PDE4D: variants seen among roughly 807,000 people sequenced by gnomAD.
PDE4D encodes the protein 3',5'-cyclic-AMP phosphodiesterase 4D.
In PDE4D, 24 loss-of-function variants were observed where a neutral mutation model predicts 87.4. The ratio of observed to expected loss-of-function variants is 0.27; its 90% confidence interval spans 0.20 to 0.39. The LOEUF is 0.39. Among genes scored for constraint, PDE4D ranks in the 10% least tolerant of loss-of-function variants. The probability of loss-of-function intolerance (pLI) is 1.00; values close to 1 mark genes in which losing one functional copy is unlikely to be tolerated. For missense variants in PDE4D, 714 were observed against 1,041.0 expected, an observed-to-expected ratio of 0.69 and a Z score of 4.32; for synonymous variants, 384 against 383.2, an observed-to-expected ratio of 1.00 and a Z score of -0.02.
At chr5:59,470,497 CA>C (rs962878641) in intron 1 of PDE4D, among the ~76,000 whole-genome samples, 19 of 152,238 alleles carry the variant, frequency 1.2e-4, no homozygotes, top group Admixed American at 1.0e-3. Context: ...ATAATTTCAT[CA>C]GTGAATTAAG....
At chr5:60,370,592 A>C (rs891364206) in intron 1 of PDE4D, among the ~76,000 whole-genome samples, 1 of 152,226 alleles carries the variant, frequency 6.6e-6, no homozygotes, top group Non-Finnish European at 1.5e-5. Context: ...GATGACTGCT[A>C]AAAGCTGGTC....
At chr5:60,106,928 C>A (rs1334938246) in intron 2 of PDE4D, among the ~76,000 whole-genome samples, 5 of 151,330 alleles carry the variant, frequency 3.3e-5, no homozygotes, top group Admixed American at 3.3e-4. Flanking sequence ...AATTGACACC[C>A]TAACATCACA....
At chr5:59,674,661 A>G (rs781044683) in intron 1 of PDE4D, among the ~76,000 whole-genome samples, 3 of 152,180 alleles carry the variant, frequency 2.0e-5, no homozygotes, top group Non-Finnish European at 4.4e-5. Flanking sequence ...TGAGTTATCC[A>G]TCTTACAGAA....
At chr5:59,553,115 G>T (rs1468113831) in intron 1 of PDE4D, among the ~76,000 whole-genome samples, 1 of 151,806 alleles carries the variant, frequency 6.6e-6, no homozygotes, top group Non-Finnish European at 1.5e-5. Context: ...ACTTCACTTT[G>T]TATCAAATGT....
chr5:59,769,007 G>A (rs758350718), intron 1 of PDE4D, among the ~76,000 whole-genome samples: 2 of 151,884 alleles, frequency 1.3e-5, no homozygotes, highest in Non-Finnish European at 2.9e-5. Flanking sequence ...TTCCTCTCCC[G>A]CAGGGCTATT....
intron 2 of PDE4D, among the ~76,000 whole-genome samples, chr5:60,059,757 C>A (rs555869739): frequency 2.6e-5 from 4 of 152,084 alleles, no homozygotes; most frequent in Admixed American, 2.6e-4. Flanking sequence ...GGAAAGAGGA[C>A]ACCCAGGAGA....
intron 1 of PDE4D, among the ~76,000 whole-genome samples, chr5:59,803,306 C>CTTTTT (rs71606604): frequency 7.7e-6 from 1 of 130,450 alleles, no homozygotes; most frequent in African/African-American, 2.8e-5. Flanking sequence ...CTAGAAACTC[C>CTTTTT]TTTTTTTTTT....
chr5:60,190,197 T>A (rs1392473293), intron 1 of PDE4D, among the ~76,000 whole-genome samples: 1 of 152,098 alleles, frequency 6.6e-6, no homozygotes, highest in African/African-American at 2.4e-5. Context: ...ACTCAAAAAG[T>A]TAAAAGAAAA....
intron 1 of PDE4D, among the ~76,000 whole-genome samples, chr5:59,406,369 C>A (rs765622780): frequency 8.9e-5 from 13 of 146,146 alleles, no homozygotes; most frequent in Non-Finnish European, 1.2e-4. Flanking sequence ...CTTGTAACGT[C>A]TCCCTTATCT....
intron 1 of PDE4D, among the ~76,000 whole-genome samples, chr5:60,256,335 A>G (rs1450512339): frequency 6.6e-6 from 1 of 151,998 alleles, no homozygotes; most frequent in African/African-American, 2.4e-5. Flanking sequence ...AGGTTTTAAA[A>G]TATCTTTAAA....
intron 1 of PDE4D, among the ~76,000 whole-genome samples, chr5:59,277,925 A>C (rs1247198306): frequency 3.9e-5 from 6 of 152,116 alleles, no homozygotes; most frequent in Admixed American, 2.0e-4. Flanking sequence ...ATAGTACCAT[A>C]ATGACTAAGA....
chr5:60,275,868 G>C (rs1440684458), intron 1 of PDE4D, among the ~76,000 whole-genome samples: 1 of 151,668 alleles, frequency 6.6e-6, no homozygotes, highest in Non-Finnish European at 1.5e-5. Context: ...TATTTCCCTT[G>C]AGAGTTTCTC....
At chr5:60,048,509 G>C (rs1028458916) in intron 2 of PDE4D, among the ~76,000 whole-genome samples, 1 of 152,108 alleles carries the variant, frequency 6.6e-6, no homozygotes, top group African/African-American at 2.4e-5. Flanking sequence ...GGTACCATTT[G>C]TTCCTCTCCA....
chr5:59,055,324 A>T lies in PDE4D; in HGVS notation c.809-16353T>A, dbSNP rs146277769. Among the ~76,000 whole-genome samples the T allele has an allele frequency of 6.8e-3, 1,028 of 152,202 alleles. 9 individuals carry two copies. Among genetic ancestry groups the T allele is most frequent in the African/African-American group, 0.023 (955 of 41,518 alleles). On this transcript the variant is annotated intron_variant, in intron 5 of 14. Transcript: ENST00000340635. ...AAAGCACCCCTTGTATTATAATAAT[A>T]ATTATTATGATATCTGTCCTTAATC...
At chr5:60,336,503 C>T (rs1286052080) in intron 1 of PDE4D, among the ~76,000 whole-genome samples, 1 of 152,198 alleles carries the variant, frequency 6.6e-6, no homozygotes, top group Admixed American at 6.5e-5. Flanking sequence ...CTTCCTGAGT[C>T]CCATTCCTCC....
chr5:59,599,671 C>T (rs564118994), intron 1 of PDE4D, among the ~76,000 whole-genome samples: 20 of 152,168 alleles, frequency 1.3e-4, no homozygotes, highest in African/African-American at 4.8e-4. Flanking sequence ...CAAATTGTAA[C>T]CCAAAACTCT....
chr5:59,620,183 G>C lies in PDE4D; in HGVS notation c.455+272985C>G, dbSNP rs556569800. On this transcript the variant is annotated intron_variant, in intron 1 of 14. Coordinates refer to ENST00000340635, the MANE Select transcript of PDE4D (RefSeq NM_001104631.2). ...AGGACACAAGGCTGACTAGAGAAAT[G>C]AATGGGATTTTGGCAGTATTGAGGC... 2.6e-5 allele frequency among the ~76,000 whole-genome samples: 4 copies of C among 152,266 alleles called. No homozygotes were observed. In the East Asian group the frequency reaches 7.7e-4, roughly 29 times the overall value.
chr5:60,238,488 T>C (rs1746683627), intron 1 of PDE4D, among the ~76,000 whole-genome samples: 1 of 152,062 alleles, frequency 6.6e-6, no homozygotes, highest in African/African-American at 2.4e-5. Context: ...AAAGTCAAAC[T>C]GACTTTTCCA....
In PDE4D at chr5:60,516,324, T is replaced by C. The variant is rs1265959774; in HGVS notation, n.70+5727A>G. 3.3e-5 allele frequency among the ~76,000 whole-genome samples: 5 copies of C among 152,222 alleles called. No homozygotes were observed. The East Asian group carries it at 9.6e-4, about 29-fold the overall frequency. On this transcript the variant is annotated intron_variant and non_coding_transcript_variant, in intron 1 of 2. Coordinates refer to the PDE4D transcript ENST00000506510. ...CTCAGGAAGGGCATTAGAGGCAACA[T>C]ACATTCGCTTTCTGAAGGAGGCAGC...
Sources: gnomAD v4.1 joint callset for allele counts (sites outside exome capture counted in the v4.1 genomes callset) on GRCh38, gnomAD v4.1.1 for gene constraint, MANE v1.5 for transcripts, NCBI Gene and HGNC (gene_info 2026-07-23, HGNC 2026-07-21) for gene names.